The following SYT1 variants were observed in gnomAD, a reference collection of about 807,000 sequenced individuals.
SYT1 encodes the protein synaptotagmin-1.
A neutral mutation model predicts 44.8 loss-of-function variants in SYT1; 8 were observed. The observed-to-expected ratio is 0.18, with a 90% CI of 0.10 to 0.32. SYT1 has a LOEUF of 0.32. SYT1 is among the 10% of genes least tolerant of loss of function. SYT1 has a pLI of 1.00. For synonymous variants in SYT1, 154 were observed against 188.8 expected (o/e 0.82, Z 1.51); for missense variants, 286 against 509.3 (o/e 0.56, Z 4.22).
At chr12:79,246,058 ATTTCT>A (rs1876833641) in intron 4 of SYT1, among the ~76,000 whole-genome samples, 1 of 152,154 alleles carries the variant, frequency 6.6e-6, no homozygotes, top group Admixed American at 6.6e-5. Flanking sequence ...AAAGCAGAGC[ATTTCT>A]TTTATTTTAA....
chr12:78,879,015 C>T (rs948514113), intron 1 of SYT1, among the ~76,000 whole-genome samples: 4 of 151,640 alleles, frequency 2.6e-5, no homozygotes, highest in African/African-American at 9.7e-5. Flanking sequence ...AAAATTTCTG[C>T]TCACAGTCCA....
chr12:79,408,994 T>G (rs1593042064), intron 9 of SYT1, among the ~76,000 whole-genome samples: 1 of 152,028 alleles, frequency 6.6e-6, no homozygotes. Context: ...GGCAGCAAGG[T>G]CAAATTTCTC....
intron 9 of SYT1, among the ~76,000 whole-genome samples, chr12:79,400,353 T>C (rs1009414856): frequency 6.6e-6 from 1 of 152,174 alleles, no homozygotes; most frequent in African/African-American, 2.4e-5. Context: ...TCAAGCACCA[T>C]ACCCAGTATT....
chr12:79,048,932 G>A (rs1874268386), intron 3 of SYT1, among the ~76,000 whole-genome samples: 1 of 151,808 alleles, frequency 6.6e-6, no homozygotes, highest in Admixed American at 6.6e-5. Flanking sequence ...TAAAAGACTA[G>A]ACTGTCTTAA....
rs117408096 is a variant in SYT1 at position 79,097,580 on chromosome 12, G to T, written c.-18+50218G>T. ...GCAGCTGGTATCACTATAAAATACT[G>T]TGTAATCTTTGAAAGTCCCTCTAGA... On this transcript the variant is annotated intron_variant, in intron 3 of 10. Transcript: ENST00000261205. Among the ~76,000 whole-genome samples the T allele has an allele frequency of 8.6e-5, 13 of 151,890 alleles. No individual in the cohort carries two copies. In the East Asian group the frequency reaches 2.3e-3, roughly 27 times the overall value.
Position 79,031,247 on chromosome 12 carries a change from TAAG to T in SYT1, c.-83-16047_-83-16045del, listed in dbSNP as rs1872812025. Among the ~76,000 whole-genome samples the T allele has an allele frequency of 2.0e-5, 3 of 151,122 alleles. No homozygotes were observed. The South Asian group carries it at 6.2e-4, about 31-fold the overall frequency. ...TTAAAACTCTATTCTAGAAAATAAA[TAAG>T]AACATTTTCCTTAGTATATTAAATA... is the stretch of plus-strand genomic sequence containing the variant. On this transcript the variant is annotated intron_variant, in intron 2 of 10. Transcript: ENST00000261205.
At chr12:79,107,182 T>A (rs7960418) in intron 3 of SYT1, among the ~76,000 whole-genome samples, 23,019 of 151,814 alleles carry the variant, frequency 0.15, 1,855 homozygotes, top group South Asian at 0.19. Context: ...CTCAAGACAT[T>A]TAAAACATAA....
chr12:79,350,013 A>G (rs1882818059), intron 8 of SYT1, among the ~76,000 whole-genome samples: 1 of 152,114 alleles, frequency 6.6e-6, no homozygotes, highest in South Asian at 2.1e-4. Flanking sequence ...AGTTCAGTGA[A>G]AGACTTCACT....
chr12:79,416,895 T>C (rs1469729850), intron 9 of SYT1, among the ~76,000 whole-genome samples: 1 of 152,188 alleles, frequency 6.6e-6, no homozygotes, highest in Non-Finnish European at 1.5e-5. Flanking sequence ...GAATAGCTTC[T>C]TTTTTGGCCA....
At chr12:79,240,266 T>C (rs921425001) in intron 4 of SYT1, among the ~76,000 whole-genome samples, 9 of 152,236 alleles carry the variant, frequency 5.9e-5, no homozygotes, top group African/African-American at 2.2e-4. Flanking sequence ...TTTATCTAAA[T>C]AGTGTCAATT....
rs552667405 is a variant in SYT1 at position 79,135,093 on chromosome 12, A to C, written c.-17-82410A>C. The stretch of plus-strand genomic sequence containing the variant: ...CTAAAATATCATGTTGTACACATTA[A>C]GTGCATATACTTTTTTATTATTATT... On this transcript the variant is annotated intron_variant, in intron 3 of 10. Transcript: ENST00000261205. 2.6e-5 allele frequency among the ~76,000 whole-genome samples: 4 copies of C among 152,230 alleles called. No individual in the cohort carries two copies. In the East Asian group the frequency reaches 7.7e-4, roughly 29 times the overall value.
intron 9 of SYT1, among the ~76,000 whole-genome samples, chr12:79,429,123 AC>A (rs1199792962): frequency 6.6e-6 from 1 of 152,108 alleles, no homozygotes; most frequent in Non-Finnish European, 1.5e-5. Flanking sequence ...ACTGGGACCC[AC>A]CTCCAGCATT....
chr12:79,026,508 ATGCTTTTATGTTAT>A (rs1360820196), intron 2 of SYT1, among the ~76,000 whole-genome samples: 1 of 150,898 alleles, frequency 6.6e-6, no homozygotes, highest in Non-Finnish European at 1.5e-5. Flanking sequence ...ATAAAACACT[ATGCTTTTATGTTAT>A]TGGAATCACG....
rs571852994 is a variant in SYT1, at chr12:79,045,229, G to A, written c.-83-2068G>A. Among the ~76,000 whole-genome samples the A allele has an allele frequency of 1.4e-3, 210 of 152,278 alleles. 1 individual carries two copies. Among genetic ancestry groups the A allele is most frequent in the African/African-American group, 4.8e-3 (198 of 41,580 alleles). On this transcript the variant is annotated intron_variant, in intron 2 of 10. Coordinates refer to ENST00000261205, the MANE Select transcript of SYT1 (RefSeq NM_005639.3). ...GCGCCCCTCCCCCAGCCTGGCTGCC[G>A]CCTTGCAGTTTGATCTCAGACTGCT... is the stretch of plus-strand genomic sequence containing the variant.
At chr12:79,086,924 A>G (rs1213730342) in intron 3 of SYT1, among the ~76,000 whole-genome samples, 1 of 152,176 alleles carries the variant, frequency 6.6e-6, no homozygotes, top group East Asian at 1.9e-4. Flanking sequence ...AATTAATCTT[A>G]TGTTCTTTCC....
At chr12:79,308,552 A>G (rs550632527) in intron 8 of SYT1, among the ~76,000 whole-genome samples, 172 of 133,570 alleles carry the variant, frequency 1.3e-3, no homozygotes, top group African/African-American at 5.0e-3. Flanking sequence ...AAGAAAGAAA[A>G]AAGAAAGAAA....
intron 2 of SYT1, among the ~76,000 whole-genome samples, chr12:79,043,208 C>G (rs1449467811): frequency 6.7e-6 from 1 of 149,552 alleles, no homozygotes; most frequent in Non-Finnish European, 1.5e-5. Flanking sequence ...GTTGATCTGT[C>G]TAATGTTGAC....
At chr12:78,878,514 T>C (rs1874291691) in intron 1 of SYT1, among the ~76,000 whole-genome samples, 2 of 151,762 alleles carry the variant, frequency 1.3e-5, no homozygotes, top group African/African-American at 2.4e-5. Flanking sequence ...TTTACTCTCA[T>C]AGTGGTGAAT....
intron 8 of SYT1, among the ~76,000 whole-genome samples, chr12:79,308,598 GAA>G (rs1880567828): frequency 1.2e-5 from 1 of 83,920 alleles, no homozygotes; most frequent in Non-Finnish European, 2.4e-5. Flanking sequence ...AAAGAAGAAA[GAA>G]AGAAAGAAAG....
Sources: allele counts gnomAD v4.1 joint callset (sites outside exome capture counted in the v4.1 genomes callset), GRCh38; gene constraint gnomAD v4.1.1; transcripts MANE v1.5; gene names NCBI Gene and HGNC (gene_info 2026-07-23, HGNC 2026-07-21).